IGF2R: variants seen among roughly 807,000 people sequenced by gnomAD.
IGF2R encodes the protein cation-independent mannose-6-phosphate receptor.
Under a neutral mutation model 270.6 loss-of-function variants are expected in IGF2R, and 91 were observed. The observed-to-expected ratio is 0.34, with a 90% CI of 0.28 to 0.40. IGF2R has a LOEUF of 0.40. IGF2R is among the 10% of genes least tolerant of loss of function. IGF2R has a pLI of 1.00. For synonymous variants in IGF2R, 1,316 were observed against 1,258.9 expected (o/e 1.05, Z -0.96); for missense variants, 2,805 against 3,188.3 (o/e 0.88, Z 2.90).
In IGF2R at chr6:160,089,131, C is replaced by A. The variant is rs139399606; in HGVS notation, c.6345C>A (p.Tyr2115Ter). Residue 2115 changes from tyrosine (Y) to a stop codon, truncating the protein, a stop_gained, in exon 43 of 48, where the codon TAC becomes TAA. Coordinates refer to ENST00000356956, the MANE Select transcript of IGF2R (RefSeq NM_000876.4). LOFTEE classifies it high-confidence loss of function. Reference sequence around the variant, plus strand: ...GGTTTGATATCGACAGCTGCACTTACTACTTCAGCTGGGACTCCCGGGCTG... The same window carrying A: ...GGTTTGATATCGACAGCTGCACTTAATACTTCAGCTGGGACTCCCGGGCTG... ...FKRFDIDSCT[Y>*]YFSWDSRAAC... 6.2e-7 allele frequency: 1 copy of A among 1,613,916 alleles called. No homozygotes were observed. Among genetic ancestry groups the A allele is most frequent in the Non-Finnish European group, 8.5e-7 (1 of 1,179,910 alleles).
intron 2 of IGF2R, among the ~76,000 whole-genome samples, chr6:159,992,631 A>C (rs13193213): frequency 5.1e-4 from 72 of 141,914 alleles, no homozygotes; most frequent in African/African-American, 1.7e-3. Flanking sequence ...CACACACACA[A>C]ACACACACCA....
At position 160,075,900 on chromosome 6, in the gene IGF2R, T is replaced by A. The variant is rs1778845885; in HGVS notation, c.5220T>A (p.Ile1740=). ...TACTCAATCCAATAGCAAATGAGAT[T>A]TACTTGAATTTTGAAAGCAGTACTC... ...PPILNPIANE[I]YLNFESSTPC... Residue 1740 remains isoleucine, a synonymous_variant, in exon 36 of 48, where the codon ATT becomes ATA. Coordinates refer to ENST00000356956, the MANE Select transcript of IGF2R (RefSeq NM_000876.4). 6.2e-7 allele frequency: 1 copy of A among 1,614,024 alleles called. No individual in the cohort carries two copies. Among genetic ancestry groups the A allele is most frequent in the South Asian group, 1.1e-5 (1 of 91,084 alleles).
chr6:160,048,977 C>T (rs551293662), intron 18 of IGF2R, among the ~76,000 whole-genome samples: 57 of 152,232 alleles, frequency 3.7e-4, no homozygotes, highest in African/African-American at 1.3e-3. Flanking sequence ...CGCTGCAGTT[C>T]GTCCCTGGGT....
chr6:160,036,432 C>A (rs1210636457), intron 10 of IGF2R, among the ~76,000 whole-genome samples: 1 of 152,130 alleles, frequency 6.6e-6, no homozygotes, highest in African/African-American at 2.4e-5. Context: ...GGTTCTGGCT[C>A]CCAGGTCACC....
intron 37 of IGF2R, 27 bp downstream of exon 37, chr6:160,078,389 G>C (rs777575570): frequency 1.9e-6 from 3 of 1,606,572 alleles, no homozygotes. Context: ...GGGCGTTGCT[G>C]GTGCAGGTGT....
At position 160,047,842 on chromosome 6, in the gene IGF2R, C is replaced by T. The variant is rs1778103471; in HGVS notation, c.2280C>T (p.Cys760=). 1 of 1,614,052 alleles carries T rather than the reference C, an allele frequency of 6.2e-7. No homozygotes were observed. Among genetic ancestry groups the T allele is most frequent in the Non-Finnish European group, 8.5e-7 (1 of 1,179,982 alleles). ...TCCGGTGGTACACCAGCTATGCCTG[C>T]CCGGAGGAGCCCCTGGAATGCGTAG... ...YNFRWYTSYA[C]PEEPLECVVT... The change falls in exon 17 of 48, where the codon TGC becomes TGT. Residue 760 remains cysteine (C), a synonymous_variant. Transcript: ENST00000356956.
chr6:160,104,877 G>T lies in IGF2R; in HGVS notation c.7269G>T (p.Ser2423=). 1 of 1,614,178 alleles carries T rather than the reference G, an allele frequency of 6.2e-7. No individual in the cohort carries two copies. Among genetic ancestry groups the T allele is most frequent in the Non-Finnish European group, 8.5e-7 (1 of 1,180,030 alleles). ...VLTIPEVKVH[S]GRGAGAESSH... ...CCATCCCAGAGGTGAAAGTTCACTC[G>T]GGCAGGGGAGCTGGGGCAGAGAGCT... Residue 2423 remains serine, a synonymous_variant, in exon 48 of 48, where the codon TCG becomes TCT. Transcript: ENST00000356956.
In IGF2R at chr6:160,047,302, A is replaced by G; in HGVS notation, c.2195A>G (p.Asp732Gly). The stretch of plus-strand genomic sequence containing the variant: ...GCTACGCTCATCACCTTTCTCTGTG[A>G]TCGAGACGCGGGAGTGGGCTTCCCT... ...PRATLITFLC[D>G]RDAGVGFPEY... is the part of the protein sequence containing the mutation. The change falls in exon 16 of 48, where the codon GAT becomes GGT. Residue 732 changes from aspartate to glycine, a missense_variant. Around this residue, in one of 2 missense-constraint regions of IGF2R, gnomAD observed 954 missense variants for 981.1 expected, o/e 0.97. Coordinates refer to ENST00000356956, the MANE Select transcript of IGF2R (RefSeq NM_000876.4). 1 of 1,608,104 alleles carries G rather than the reference A, an allele frequency of 6.2e-7. No individual in the cohort carries two copies. Among genetic ancestry groups the G allele is most frequent in the Non-Finnish European group, 8.5e-7 (1 of 1,177,876 alleles).
At chr6:159,991,513 C>G (rs1304714637) in intron 2 of IGF2R, among the ~76,000 whole-genome samples, 190 bp downstream of exon 2, 1 of 152,168 alleles carries the variant, frequency 6.6e-6, no homozygotes, top group African/African-American at 2.4e-5. Flanking sequence ...CTAGTATGAG[C>G]TAAAACTAGG....
At position 159,986,402 on chromosome 6, in the gene IGF2R, TTG is replaced by T. The variant is rs56105769; in HGVS notation, c.150-4754_150-4753del. Among the ~76,000 whole-genome samples, 213 of 131,942 alleles carry T rather than the reference TTG, an allele frequency of 1.6e-3. 1 individual carries two copies. Among genetic ancestry groups the T allele is most frequent in the South Asian group, 2.9e-3 (11 of 3,764 alleles). 86.6% of individuals were successfully genotyped at this position (131,942 alleles called of 152,430 possible). On this transcript the variant is annotated intron_variant, in intron 1 of 47. Coordinates refer to ENST00000356956, the MANE Select transcript of IGF2R (RefSeq NM_000876.4). ...GTGCGCGACCATGCCTGGCTAATTT[TTG>T]TGTGTGTGTGTGTGTGTGTGTGTGT...
At chr6:160,022,487 T>A (rs1411798357) in intron 4 of IGF2R, among the ~76,000 whole-genome samples, 1 of 152,182 alleles carries the variant, frequency 6.6e-6, no homozygotes, top group Non-Finnish European at 1.5e-5. Flanking sequence ...AAAAGACCAT[T>A]AGTTCATAGG....
chr6:160,018,415 C>G (rs1462165761), intron 4 of IGF2R, among the ~76,000 whole-genome samples: 1 of 152,012 alleles, frequency 6.6e-6, no homozygotes, highest in Admixed American at 6.6e-5. Flanking sequence ...AGAATTCAAT[C>G]ACTGAGAAAG....
intron 45 of IGF2R, among the ~76,000 whole-genome samples, chr6:160,101,156 A>G (rs1385129961): frequency 6.6e-6 from 1 of 152,214 alleles, no homozygotes; most frequent in Non-Finnish European, 1.5e-5. Flanking sequence ...TTAGGAACCA[A>G]GAACAAACAA....
intron 23 of IGF2R, among the ~76,000 whole-genome samples, chr6:160,061,287 G>A (rs1226616628): frequency 6.6e-6 from 1 of 152,204 alleles, no homozygotes; most frequent in African/African-American, 2.4e-5. Context: ...CTGACTACAG[G>A]CGCATGCCAC....
rs141316921 is a variant in IGF2R at position 160,048,489 on chromosome 6, G to C, written c.2460G>C (p.Val820=). ...YINVCRPLNP[V]PGCNRYASAC... is the part of the protein sequence containing the mutation. ...ACGTGTGTCGGCCTCTGAATCCAGT[G>C]CCGGGCTGCAACCGATATGCATCGG... Residue 820 remains valine, a synonymous_variant, in exon 18 of 48, where the codon GTG becomes GTC. Transcript: ENST00000356956. 2.4e-4 allele frequency: 395 copies of C among 1,614,120 alleles called. No homozygotes were observed. The highest frequency in any genetic ancestry group is 3.2e-4 in the Non-Finnish European group (374 of 1,180,052).
chr6:160,052,149 C>T (rs1375852430), intron 19 of IGF2R, among the ~76,000 whole-genome samples: 1 of 152,160 alleles, frequency 6.6e-6, no homozygotes, highest in East Asian at 1.9e-4. Context: ...TTGCAGTGAG[C>T]TGAGGATGTG....
chr6:160,032,771 G>T, intron 8 of IGF2R, 58 bp downstream of exon 8: 1 of 1,572,676 alleles, frequency 6.4e-7, no homozygotes, highest in South Asian at 1.1e-5. Context: ...TCGAGAGAGG[G>T]AACGGGACAG....
At chr6:160,065,804 G>GTA (rs1562364384) in intron 29 of IGF2R, among the ~76,000 whole-genome samples, 5 of 61,542 alleles carry the variant, frequency 8.1e-5, no homozygotes, top group African/African-American at 2.1e-4. Flanking sequence ...GTGTGTGTGT[G>GTA]TGTGTGTGTG....
At position 160,089,521 on chromosome 6, in the gene IGF2R, C is replaced by T. The variant is rs539883737; in HGVS notation, c.6467+268C>T. Among the ~76,000 whole-genome samples the T allele has an allele frequency of 3.9e-5, 6 of 152,322 alleles. No individual in the cohort carries two copies. In the South Asian group the frequency reaches 6.2e-4, roughly 16 times the overall value. ...TCATGATAATCTCAGGGGTTGAAGC[C>T]GAAGCCTTCTGACATGTTTGAGCAG... On this transcript the variant is annotated intron_variant, in intron 43 of 47. Coordinates refer to ENST00000356956, the MANE Select transcript of IGF2R (RefSeq NM_000876.4).
Sources: allele counts gnomAD v4.1 joint callset (sites outside exome capture counted in the v4.1 genomes callset), GRCh38; gene constraint gnomAD v4.1.1; regional missense constraint gnomAD v4.1.1; transcripts MANE v1.5; gene names NCBI Gene and HGNC (gene_info 2026-07-23, HGNC 2026-07-21).